MAPK10: variants seen among roughly 807,000 people sequenced by gnomAD.
MAPK10 encodes JNK3 alpha protein kinase.
A neutral mutation model predicts 59.3 loss-of-function variants in MAPK10; 25 were observed. The ratio of observed to expected loss-of-function variants is 0.42; its 90% CI spans 0.31 to 0.59. The LOEUF is 0.59. MAPK10 is among the 20% of genes least tolerant of loss of function. The probability of loss-of-function intolerance (pLI) is 0.15; values close to 1 mark genes in which losing one functional copy is unlikely to be tolerated. For synonymous variants in MAPK10, 190 were observed against 200.5 expected, an observed-to-expected ratio of 0.95 and a Z score of 0.44; for missense variants, 351 against 568.9, an observed-to-expected ratio of 0.62 and a Z score of 3.90.
chr4:86,576,820 T>C (rs1186077179), intron 1 of MAPK10, among the ~76,000 whole-genome samples: 1 of 151,178 alleles, frequency 6.6e-6, no homozygotes, highest in Non-Finnish European at 1.5e-5. Context: ...TATTGTGAAA[T>C]GTCTGAACAC....
At chr4:86,252,022 TG>T (rs2148715026) in intron 2 of MAPK10, among the ~76,000 whole-genome samples, 1 of 116,892 alleles carries the variant, frequency 8.6e-6, no homozygotes, top group East Asian at 2.0e-4. Flanking sequence ...TTGATGGGGT[TG>T]TTTTTTTCTT....
chr4:86,324,353 G>A (rs1010910156), intron 2 of MAPK10, among the ~76,000 whole-genome samples: 2 of 151,992 alleles, frequency 1.3e-5, no homozygotes, highest in Non-Finnish European at 2.9e-5. Context: ...AGAGGTTGCT[G>A]TAAGCCAAGA....
At chr4:86,533,155 A>G (rs550689996) in intron 1 of MAPK10, among the ~76,000 whole-genome samples, 1 of 152,354 alleles carries the variant, frequency 6.6e-6, no homozygotes, top group South Asian at 2.1e-4. Flanking sequence ...ATACACAAAA[A>G]GAAAGATACT....
chr4:86,216,694 A>G (rs966482721), intron 2 of MAPK10, among the ~76,000 whole-genome samples: 4 of 152,070 alleles, frequency 2.6e-5, no homozygotes, highest in Admixed American at 6.6e-5. Context: ...TTATTGTTAG[A>G]ACATAATTCC....
intron 9 of MAPK10, among the ~76,000 whole-genome samples, chr4:86,088,354 T>C (rs1445541446): frequency 3.9e-5 from 6 of 152,100 alleles, no homozygotes; most frequent in African/African-American, 1.4e-4. Flanking sequence ...AAATTTTTTA[T>C]TTTTGTTTTT....
chr4:86,588,992 G>C (rs1402241793), intron 1 of MAPK10, among the ~76,000 whole-genome samples: 14 of 152,098 alleles, frequency 9.2e-5, no homozygotes, highest in Non-Finnish European at 1.5e-4. Flanking sequence ...AGAGGATTTC[G>C]TTTCTGTGGG....
intron 2 of MAPK10, chr4:86,340,472 CT>C (rs1724264123): frequency 6.6e-6 from 1 of 152,180 alleles, no homozygotes; most frequent in Non-Finnish European, 1.5e-5. Flanking sequence ...AAGTGCTACA[CT>C]TTTAAACCAT....
intron 2 of MAPK10, among the ~76,000 whole-genome samples, chr4:86,267,500 G>C (rs946893883): frequency 2.0e-5 from 3 of 151,966 alleles, no homozygotes; most frequent in African/African-American, 7.2e-5. Context: ...ATCCTCCATT[G>C]GCTTCTCACC....
chr4:86,103,668 T>G (rs2055989950), intron 5 of MAPK10, among the ~76,000 whole-genome samples: 1 of 152,114 alleles, frequency 6.6e-6, no homozygotes, highest in African/African-American at 2.4e-5. Context: ...TTCTACTTCA[T>G]GATTTTTTTG....
chr4:86,272,082 A>T (rs1237187800), intron 2 of MAPK10, among the ~76,000 whole-genome samples: 3 of 152,042 alleles, frequency 2.0e-5, no homozygotes, highest in Non-Finnish European at 4.4e-5. Flanking sequence ...AAGTGAGTAC[A>T]TGCGGTATTT....
intron 2 of MAPK10, among the ~76,000 whole-genome samples, chr4:86,265,386 G>A (rs1454583683): frequency 6.6e-6 from 1 of 151,732 alleles, no homozygotes; most frequent in Non-Finnish European, 1.5e-5. Context: ...GCAGGCACCT[G>A]CAATCCCAGC....
chr4:86,294,468 T>G (rs912396782), intron 2 of MAPK10, among the ~76,000 whole-genome samples: 2 of 151,776 alleles, frequency 1.3e-5, no homozygotes, highest in Non-Finnish European at 2.9e-5. Context: ...AAAGTTCTAC[T>G]AGAACCTCTG....
rs184869564 is a variant in MAPK10, at chr4:86,548,917, G to C, written c.-263+44993C>G. Among the ~76,000 whole-genome samples, 7 of 152,180 alleles carry C rather than the reference G, an allele frequency of 4.6e-5. No homozygotes were observed. The East Asian group carries it at 1.4e-3, about 29-fold the overall frequency. On this transcript the variant is annotated intron_variant, in intron 1 of 4. Coordinates refer to the MAPK10 transcript ENST00000502302. ...TCCTTTAAAATGACTTTATATTTTT[G>C]TAACACTGTAAGGCCCGACTAAATA... is the stretch of plus-strand genomic sequence containing the variant.
At chr4:86,019,378 CCT>C (rs1461035850) in intron 13 of MAPK10, among the ~76,000 whole-genome samples, 1 of 152,100 alleles carries the variant, frequency 6.6e-6, no homozygotes, top group Non-Finnish European at 1.5e-5. Context: ...TTAAAGTCCT[CCT>C]GTTATTGTCT....
At chr4:86,304,086 CAAAG>C (rs1206216243) in intron 2 of MAPK10, among the ~76,000 whole-genome samples, 2 of 151,832 alleles carry the variant, frequency 1.3e-5, no homozygotes, top group African/African-American at 4.8e-5. Flanking sequence ...ACATTAAAAA[CAAAG>C]AGATCTGGAA....
Position 86,016,467 on chromosome 4 carries a change from C to A in MAPK10, c.*761G>T, listed in dbSNP as rs1011412867. ...ACTTTACATAAGTATCACATATGTT[C>A]TTTCTACAAATTGGTATACAGGTGC... On this transcript the variant is annotated 3_prime_UTR_variant, in exon 14 of 14. Coordinates refer to ENST00000641462, the MANE Select transcript of MAPK10 (RefSeq NM_138982.4). 6.6e-6 allele frequency: 1 copy of A among 152,618 alleles called. No individual in the cohort carries two copies. The highest frequency in any genetic ancestry group is 2.4e-5 in the African/African-American group (1 of 41,434). The allele number at this position is 152,618 out of a possible 1,614,324, so 9.5% of individuals were successfully genotyped here.
intron 2 of MAPK10, among the ~76,000 whole-genome samples, chr4:86,202,210 A>G (rs2082782745): frequency 6.6e-6 from 1 of 151,848 alleles, no homozygotes; most frequent in African/African-American, 2.4e-5. Context: ...GTTCATTTTC[A>G]GCATTCAAAA....
At chr4:86,260,512 G>A (rs6829870) in intron 2 of MAPK10, among the ~76,000 whole-genome samples, 49,577 of 151,754 alleles carry the variant, frequency 0.33, 11,006 homozygotes, top group African/African-American at 0.63. Context: ...ACTGTTCTAC[G>A]AGGACCTTAA....
rs577234011 is a variant in MAPK10 at position 86,247,328 on chromosome 4, CTAAA to C, written c.-6-52925_-6-52922del. The stretch of plus-strand genomic sequence containing the variant: ...TAATTGAGCACCATATTTACAAATC[CTAAA>C]TAGTTAACAATCATTGTTTAATCTA... On this transcript the variant is annotated intron_variant, in intron 2 of 13. Coordinates refer to ENST00000641462, the MANE Select transcript of MAPK10 (RefSeq NM_138982.4). 2.1e-4 allele frequency among the ~76,000 whole-genome samples: 32 copies of C among 152,290 alleles called. 3 individuals are homozygous for C. In the East Asian group the frequency reaches 6.0e-3, roughly 28 times the overall value.
Sources: gnomAD v4.1 joint callset for allele counts (sites outside exome capture counted in the v4.1 genomes callset) on GRCh38, gnomAD v4.1.1 for gene constraint, MANE v1.5 for transcripts, NCBI Gene and HGNC (gene_info 2026-07-23, HGNC 2026-07-21) for gene names.